MRPS28: variants seen among roughly 807,000 people sequenced by gnomAD.
MRPS28 encodes the protein small ribosomal subunit protein bS1m.
In MRPS28, 7 loss-of-function variants were observed where a neutral mutation model predicts 10.8. The observed-to-expected ratio is 0.65, with a 90% CI of 0.37 to 1.22. MRPS28 has a LOEUF of 1.22. MRPS28 is among the 50% of genes most tolerant of loss of function. The probability of loss-of-function intolerance (pLI) is 0.02; values close to 1 mark genes in which losing one functional copy is unlikely to be tolerated. For synonymous variants in MRPS28, 121 were observed against 93.3 expected (o/e 1.30, Z -1.71); for missense variants, 265 against 232.9 (o/e 1.14, Z -0.90).
chr8:79,939,283 G>A (rs1229975764), intron 2 of MRPS28, among the ~76,000 whole-genome samples: 1 of 152,176 alleles, frequency 6.6e-6, no homozygotes, highest in East Asian at 1.9e-4. Context: ...GTCTCATCAT[G>A]ATGCAGTAAT....
Position 79,991,909 on chromosome 8 carries a change from G to GCTCTCT in MRPS28, c.395+11084_395+11089dup, listed in dbSNP as rs33936648. Among the ~76,000 whole-genome samples, 364 of 133,052 alleles carry GCTCTCT rather than the reference G, an allele frequency of 2.7e-3. 1 individual carries two copies. The highest frequency in any genetic ancestry group is 4.3e-3 in the Non-Finnish European group (270 of 63,388). The allele number at this position is 133,052 out of a possible 152,430, so 87.3% of individuals were successfully genotyped here. On this transcript the variant is annotated intron_variant, in intron 2 of 2. Transcript: ENST00000276585. ...TAAAAGGCATCACCACTTCCTCCTT[G>GCTCTCT]CTCTCTCTCTCTCTCTCTCTCTCTC...
chr8:79,919,633 A>T (rs1810018670), intron 2 of MRPS28, among the ~76,000 whole-genome samples: 1 of 152,190 alleles, frequency 6.6e-6, no homozygotes. Flanking sequence ...TGCCAGCTCT[A>T]GAATTTTCAT....
At chr8:80,011,135 A>ATTTTTTTTTTT (rs149203015) in intron 1 of MRPS28, among the ~76,000 whole-genome samples, 1 of 136,112 alleles carries the variant, frequency 7.3e-6, no homozygotes, top group African/African-American at 2.9e-5. Context: ...TTATTTTTTT[A>ATTTTTTTTTTT]TTTTTATTTT....
At chr8:80,001,736 G>C (rs775418269) in intron 2 of MRPS28, among the ~76,000 whole-genome samples, 1 of 152,092 alleles carries the variant, frequency 6.6e-6, no homozygotes, top group Non-Finnish European at 1.5e-5. Flanking sequence ...CTCATGCCAG[G>C]GAGCACAGTC....
At chr8:79,993,677 A>G (rs1808423211) in intron 2 of MRPS28, among the ~76,000 whole-genome samples, 1 of 152,228 alleles carries the variant, frequency 6.6e-6, no homozygotes, top group South Asian at 2.1e-4. Flanking sequence ...TCTGTTAAAG[A>G]AAAACTAGTA....
At chr8:80,021,216 T>C (rs193114564) in intron 1 of MRPS28, among the ~76,000 whole-genome samples, 107 of 152,286 alleles carry the variant, frequency 7.0e-4, no homozygotes, top group African/African-American at 2.2e-3. Flanking sequence ...TTGGTCAGGA[T>C]GGTCTTGATC....
In MRPS28 at chr8:79,975,390, T is replaced by C. The variant is rs74402332; in HGVS notation, c.395+27609A>G. On this transcript the variant is annotated intron_variant, in intron 2 of 2. Transcript: ENST00000276585. ...CTACTTTTACAAAGGCAAAAGCCTT[T>C]GTAAGTATGTAAGTATGGTACCCAA... 5.6e-3 allele frequency among the ~76,000 whole-genome samples: 847 copies of C among 152,224 alleles called. 8 individuals carry two copies. The highest frequency in any genetic ancestry group is 0.02 in the African/African-American group (818 of 41,546).
intron 2 of MRPS28, among the ~76,000 whole-genome samples, chr8:79,987,750 T>C (rs1364244601): frequency 2.0e-5 from 3 of 152,170 alleles, no homozygotes; most frequent in African/African-American, 7.2e-5. Flanking sequence ...CGAGTTAGAA[T>C]GGCAATCATT....
chr8:80,026,179 CAATTA>C (rs1218110091), intron 1 of MRPS28, among the ~76,000 whole-genome samples: 1 of 152,130 alleles, frequency 6.6e-6, no homozygotes, highest in African/African-American at 2.4e-5. Context: ...CGATACTGTT[CAATTA>C]AATAGGTCCA....
rs186997305 is a variant in MRPS28, at chr8:79,974,263, C to T, written c.395+28736G>A. Among the ~76,000 whole-genome samples, 445 of 151,908 alleles carry T rather than the reference C, an allele frequency of 2.9e-3. 1 individual carries two copies. The highest frequency in any genetic ancestry group is 0.017 in the Middle Eastern group (5 of 294). On this transcript the variant is annotated intron_variant, in intron 2 of 2. Coordinates refer to ENST00000276585, the MANE Select transcript of MRPS28 (RefSeq NM_014018.3). ...ACATATACATATAAACAAACGAGGC[C>T]GGCGCGGTGGCTCACGCCTGTTATC... is the stretch of plus-strand genomic sequence containing the variant.
In MRPS28 at chr8:80,028,645, C is replaced by CGGGCGGGTGGGGGG. The variant is rs1554575868; in HGVS notation, c.213+1390_213+1391insCCCCCCACCCGCCC. On this transcript the variant is annotated intron_variant, in intron 1 of 2. Transcript: ENST00000276585. The stretch of plus-strand genomic sequence containing the variant: ...TCACAGGGATCTCAAAAGCAGAAGA[C>CGGGCGGGTGGGGGG]GGGCGGGGGGGGCGGGGCCGGGCGG... 3.0e-3 allele frequency: 10 copies of CGGGCGGGTGGGGGG among 3,332 alleles called. 1 individual carries two copies. Among genetic ancestry groups the CGGGCGGGTGGGGGG allele is most frequent in the Non-Finnish European group, 4.1e-3 (8 of 1,944 alleles). The allele number at this position is 3,332 out of a possible 1,614,324, so 0.2% of individuals were successfully genotyped here. A position where few individuals can be genotyped will look rare whatever the true frequency, so the allele number is the denominator to read the frequency against.
chr8:79,988,662 T>C (rs1371738344), intron 2 of MRPS28, among the ~76,000 whole-genome samples: 1 of 152,140 alleles, frequency 6.6e-6, no homozygotes, highest in Non-Finnish European at 1.5e-5. Flanking sequence ...CACATAAAAG[T>C]ATTCTTTAAT....
chr8:79,969,551 T>C (rs1279744725), intron 2 of MRPS28, among the ~76,000 whole-genome samples: 1 of 152,038 alleles, frequency 6.6e-6, no homozygotes, highest in Non-Finnish European at 1.5e-5. Flanking sequence ...TTTTTATAAA[T>C]CCTGCCTTTT....
At chr8:80,006,303 A>C (rs1006572436) in intron 1 of MRPS28, among the ~76,000 whole-genome samples, 1 of 152,250 alleles carries the variant, frequency 6.6e-6, no homozygotes, top group African/African-American at 2.4e-5. Context: ...GTGCAATCAA[A>C]CTAGAACTCA....
intron 2 of MRPS28, among the ~76,000 whole-genome samples, chr8:79,982,482 CA>C (rs768423460): frequency 2.0e-5 from 3 of 152,030 alleles, no homozygotes; most frequent in Non-Finnish European, 2.9e-5. Flanking sequence ...TCGGGAAGCA[CA>C]AGGGGTCAGG....
intron 1 of MRPS28, among the ~76,000 whole-genome samples, chr8:80,004,092 C>A (rs1418590832): frequency 6.6e-6 from 1 of 152,216 alleles, no homozygotes; most frequent in African/African-American, 2.4e-5. Context: ...GCAGGAAAAA[C>A]CTCTGTAGAC....
At chr8:80,006,623 T>G (rs1431135342) in intron 1 of MRPS28, among the ~76,000 whole-genome samples, 9 of 152,012 alleles carry the variant, frequency 5.9e-5, no homozygotes, top group Admixed American at 5.2e-4. Context: ...CAAACTAACA[T>G]CAGAGAATAC....
chr8:80,017,703 C>A (rs948733297), intron 1 of MRPS28, among the ~76,000 whole-genome samples: 4 of 152,208 alleles, frequency 2.6e-5, no homozygotes, highest in African/African-American at 9.6e-5. Context: ...TCTCTACAAT[C>A]TCTTTCAGAA....
At chr8:79,953,141 T>A (rs1289363764) in intron 2 of MRPS28, among the ~76,000 whole-genome samples, 3 of 152,110 alleles carry the variant, frequency 2.0e-5, no homozygotes, top group Non-Finnish European at 4.4e-5. Flanking sequence ...GTGGAAGACA[T>A]CAAGCAGCAG....
Sources: allele counts gnomAD v4.1 joint callset (sites outside exome capture counted in the v4.1 genomes callset), GRCh38; gene constraint gnomAD v4.1.1; transcripts MANE v1.5; gene names NCBI Gene and HGNC (gene_info 2026-07-23, HGNC 2026-07-21).